The following UGP2 variants were observed in gnomAD, a reference collection of about 807,000 sequenced individuals.
The protein encoded by UGP2 is UTP--glucose-1-phosphate uridylyltransferase.
A neutral mutation model predicts 49.0 loss-of-function variants in UGP2; 40 were observed. That is an observed-to-expected ratio of 0.82 (90% CI 0.63 to 1.06). The LOEUF (loss-of-function observed/expected upper bound fraction) is 1.06. Ranked by LOEUF, UGP2 falls within the 50% of genes least tolerant of loss-of-function variation. The pLI is 0.00. For synonymous variants in UGP2, 225 were observed against 213.0 expected, an observed-to-expected ratio of 1.06 and a Z score of -0.49; for missense variants, 460 against 603.5, an observed-to-expected ratio of 0.76 and a Z score of 2.49.
In UGP2 at chr2:63,887,563, T is replaced by A. The variant is rs1281225523; in HGVS notation, c.1233T>A (p.Leu411=). Residue 411 remains leucine, a synonymous_variant, in exon 8 of 10, where the codon CTT becomes CTA. Coordinates refer to ENST00000337130, the MANE Select transcript of UGP2 (RefSeq NM_006759.4). The stretch of plus-strand genomic sequence containing the variant: ...TGGTGATGTCAAACCTCTATAGTCT[T>A]AATGCAGGATCTCTGACAATGAGTG... ...LLLVMSNLYS[L]NAGSLTMSEK... is the part of the protein sequence containing the mutation. The A allele has an allele frequency of 1.2e-5, 20 of 1,614,046 alleles. No individual in the cohort carries two copies. Among genetic ancestry groups the A allele is most frequent in the Non-Finnish European group, 1.6e-5 (19 of 1,180,018 alleles).
Position 63,873,349 on chromosome 2 carries a change from TAA to T in UGP2, c.256-9115_256-9114del, listed in dbSNP as rs1035793008. Among the ~76,000 whole-genome samples the T allele has an allele frequency of 3.7e-4, 56 of 152,230 alleles. 1 individual carries two copies. The highest frequency in any genetic ancestry group is 3.7e-3 in the Admixed American group (56 of 15,292). On this transcript the variant is annotated intron_variant, in intron 3 of 9. Transcript: ENST00000337130. Reference sequence around the variant, plus strand: ...CATTGAAACTTAGTTTGGAGAGAGGTAAAGTTTATTTTTTACTCTATTTGCAC... The same window carrying T: ...CATTGAAACTTAGTTTGGAGAGAGGTAGTTTATTTTTTACTCTATTTGCAC...
rs146657874 is a variant in UGP2 at position 63,890,044 on chromosome 2, T to TA, written c.1315-37_1315-36insA. The TA allele has an allele frequency of 1.1e-3, 1,652 of 1,516,182 alleles. 23 individuals carry two copies. The African/African-American group carries it at 0.02, about 18-fold the overall frequency. The allele number at this position is 1,516,182 out of a possible 1,614,324, so 93.9% of individuals were successfully genotyped here. A position where few individuals can be genotyped will look rare whatever the true frequency, so the allele number is the denominator to read the frequency against. Reference sequence around the variant, plus strand: ...TTTTTCCTGTCTTTCTTTGAACCCATTTGAGACAAATTTTTATGTTTCTCC... The same window carrying TA: ...TTTTTCCTGTCTTTCTTTGAACCCATATTGAGACAAATTTTTATGTTTCTCC... On this transcript the variant is annotated intron_variant, in intron 8 of 9. Transcript: ENST00000337130.
intron 1 of UGP2, chr2:63,855,790 C>T (rs1395770293): frequency 6.6e-6 from 2 of 304,648 alleles, no homozygotes; most frequent in Non-Finnish European, 1.3e-5. Flanking sequence ...GTCTACCCGC[C>T]TCAGCCTCCC....
At chr2:63,854,719 A>G (rs1263646083) in intron 1 of UGP2, 2 of 152,242 alleles carry the variant, frequency 1.3e-5, no homozygotes, top group East Asian at 3.8e-4. Flanking sequence ...AGAAGAGGTG[A>G]CAGGCTTGTT....
rs1054725349 is a variant in UGP2, at chr2:63,857,417, G to A, written c.148-412G>A. The A allele has an allele frequency of 2.4e-5, 7 of 296,394 alleles. No homozygotes were observed. The Admixed American group carries it at 3.1e-4, about 13-fold the overall frequency. The allele number at this position is 296,394 out of a possible 1,614,324, so 18.4% of individuals were successfully genotyped here. ...CTCACTCTGTCACCCAGGCTGGAGTGCAGTGGTGCAATCTCTGCTCACTGC... is the reference window on the plus strand; with the variant it reads ...CTCACTCTGTCACCCAGGCTGGAGTACAGTGGTGCAATCTCTGCTCACTGC... On this transcript the variant is annotated intron_variant, in intron 2 of 9. Coordinates refer to ENST00000337130, the MANE Select transcript of UGP2 (RefSeq NM_006759.4).
chr2:63,876,336 T>TA (rs1156913740), intron 3 of UGP2, among the ~76,000 whole-genome samples: 2 of 152,086 alleles, frequency 1.3e-5, no homozygotes. Flanking sequence ...ATCAAATGAC[T>TA]AGTACCTTTG....
intron 3 of UGP2, among the ~76,000 whole-genome samples, chr2:63,879,676 T>G (rs1422545046): frequency 2.0e-5 from 3 of 152,234 alleles, no homozygotes; most frequent in Non-Finnish European, 2.9e-5. Flanking sequence ...GGAATGTGAT[T>G]AGGGGCAGAT....
chr2:63,885,682 T>C lies in UGP2; in HGVS notation c.669T>C (p.His223=), dbSNP rs746931286. The change falls in exon 6 of 10, where the codon CAT becomes CAC. Residue 223 remains histidine (H), a synonymous_variant. Transcript: ENST00000337130. ...ENTEAWYPPG[H]GDIYASFYNS... ...CAGAAGCTTGGTACCCTCCAGGTCA[T>C]GGTGATATTTACGCCAGTTTCTACA... 9.3e-6 allele frequency: 15 copies of C among 1,613,864 alleles called. No individual in the cohort carries two copies. The highest frequency in any genetic ancestry group is 1.6e-4 in the Middle Eastern group (1 of 6,078).
At chr2:63,842,895 G>A (rs1345405791) in intron 1 of UGP2, among the ~76,000 whole-genome samples, 5 of 152,212 alleles carry the variant, frequency 3.3e-5, no homozygotes, top group African/African-American at 1.2e-4. Flanking sequence ...TCAGTAACGT[G>A]TATATGAATG....
intron 3 of UGP2, among the ~76,000 whole-genome samples, chr2:63,868,272 C>T (rs1386288275): frequency 2.0e-5 from 3 of 152,088 alleles, no homozygotes; most frequent in African/African-American, 7.2e-5. Flanking sequence ...GCACAGTGTC[C>T]TTGGCATTAA....
In UGP2 at chr2:63,882,511, A is replaced by C; in HGVS notation, c.301A>C (p.Ile101Leu). ...AAAGGCCAGGGGCTTGCCTGATAAT[A>C]TATCTTCCGTGTTGAACAAACTAGT... Reference protein sequence around the residue: ...KIKARGLPDNISSVLNKLVVV... With the variant: ...KIKARGLPDNLSSVLNKLVVV... The change falls in exon 4 of 10, where the codon ATA (isoleucine) becomes CTA (leucine). Residue 101 changes from isoleucine (I) to leucine (L), a missense_variant. Coordinates refer to ENST00000337130, the MANE Select transcript of UGP2 (RefSeq NM_006759.4). 6.2e-7 allele frequency: 1 copy of C among 1,610,090 alleles called. No homozygotes were observed. The highest frequency in any genetic ancestry group is 8.5e-7 in the Non-Finnish European group (1 of 1,177,236).
At chr2:63,887,278 A>AT in intron 7 of UGP2, 124 bp from the exon 8 acceptor site, 2 of 1,406,254 alleles carry the variant, frequency 1.4e-6, no homozygotes, top group Non-Finnish European at 1.9e-6. Flanking sequence ...AAAAAAAAAA[A>AT]ATTTTTTTTT....
chr2:63,871,618 C>G (rs1404944939), intron 3 of UGP2, among the ~76,000 whole-genome samples: 1 of 152,218 alleles, frequency 6.6e-6, no homozygotes, highest in Non-Finnish European at 1.5e-5. Flanking sequence ...AGTTTTCTTT[C>G]TGTTGTTTTG....
Position 63,886,549 on chromosome 2 carries a change from G to A in UGP2, c.1071+11G>A, listed in dbSNP as rs564754117. 4.3e-6 allele frequency: 7 copies of A among 1,613,662 alleles called. No homozygotes were observed. The Admixed American group carries it at 1.0e-4, about 23-fold the overall frequency. On this transcript the variant is annotated intron_variant, in intron 7 of 9. Coordinates refer to ENST00000337130, the MANE Select transcript of UGP2 (RefSeq NM_006759.4). The stretch of plus-strand genomic sequence containing the variant: ...ATTGTGAATGCAAAGGTAAGCCAAG[G>A]TTGTGGCCCATTGAGCTTCCTGGTT...
At chr2:63,874,569 A>G (rs1291595286) in intron 3 of UGP2, among the ~76,000 whole-genome samples, 3 of 152,164 alleles carry the variant, frequency 2.0e-5, no homozygotes, top group African/African-American at 7.2e-5. Context: ...GGAATAGAGC[A>G]CTTCAAGGTT....
At chr2:63,882,028 G>A (rs1314410053) in intron 3 of UGP2, among the ~76,000 whole-genome samples, 2 of 152,194 alleles carry the variant, frequency 1.3e-5, no homozygotes, top group African/African-American at 4.8e-5. Context: ...AAGGAATAAT[G>A]TGTAATTTTA....
intron 2 of UGP2, 152 bp from the exon 3 acceptor site, chr2:63,857,677 T>G: frequency 1.3e-6 from 1 of 798,078 alleles, no homozygotes; most frequent in Non-Finnish European, 2.1e-6. Flanking sequence ...GTATTAGCTT[T>G]TAGGATGTGA....
At chr2:63,842,380 C>A in intron 1 of UGP2, 176 bp downstream of exon 1, 2 of 1,599,096 alleles carry the variant, frequency 1.3e-6, no homozygotes, top group Non-Finnish European at 1.7e-6. Context: ...ACGTTCCAGA[C>A]GCGTATAATT....
intron 1 of UGP2, among the ~76,000 whole-genome samples, chr2:63,855,159 G>A (rs1669305338): frequency 6.6e-6 from 1 of 152,126 alleles, no homozygotes; most frequent in South Asian, 2.1e-4. Context: ...TATCTTATAT[G>A]TTGTCTTTAA....
Sources: allele counts gnomAD v4.1 joint callset (sites outside exome capture counted in the v4.1 genomes callset), GRCh38; gene constraint gnomAD v4.1.1; transcripts MANE v1.5; gene names NCBI Gene and HGNC (gene_info 2026-07-23, HGNC 2026-07-21).